RBFOX1: variants seen among roughly 807,000 people sequenced by gnomAD.
RBFOX1 encodes the protein RNA binding fox-1 homolog 1.
In RBFOX1, 8 loss-of-function variants were observed where a neutral mutation model predicts 57.7. The ratio of observed to expected loss-of-function variants is 0.14; its 90% CI spans 0.08 to 0.25. The LOEUF is 0.25. RBFOX1 is among the 10% of genes least tolerant of loss of function. RBFOX1 has a pLI of 1.00. For synonymous variants in RBFOX1, 326 were observed against 222.4 expected, an observed-to-expected ratio of 1.47 and a Z score of -4.15; for missense variants, 611 against 548.5, an observed-to-expected ratio of 1.11 and a Z score of -1.14.
chr16:6,885,560 C>G (rs1250277114), intron 3 of RBFOX1, among the ~76,000 whole-genome samples: 1 of 151,466 alleles, frequency 6.6e-6, no homozygotes, highest in Non-Finnish European at 1.5e-5. Context: ...GAAATGGAGT[C>G]TTGCTCTGTC....
At chr16:7,141,615 A>G (rs900078187) in intron 4 of RBFOX1, among the ~76,000 whole-genome samples, 4 of 152,206 alleles carry the variant, frequency 2.6e-5, no homozygotes, top group African/African-American at 4.8e-5. Context: ...CATGTTCATT[A>G]ACATATTAAT....
intron 4 of RBFOX1, among the ~76,000 whole-genome samples, chr16:7,298,978 A>T (rs2095965790): frequency 6.6e-6 from 1 of 152,182 alleles, no homozygotes; most frequent in Non-Finnish European, 1.5e-5. Flanking sequence ...ATTTGCTTTT[A>T]CAAGCAATGG....
chr16:6,007,786 A>G (rs2094936017), intron 4 of RBFOX1, among the ~76,000 whole-genome samples: 2 of 152,170 alleles, frequency 1.3e-5, no homozygotes, highest in Admixed American at 6.6e-5. Context: ...AGATATGGGT[A>G]TGGGAACTTA....
At chr16:7,655,596 C>G (rs767841464) in intron 12 of RBFOX1, among the ~76,000 whole-genome samples, 1 of 152,208 alleles carries the variant, frequency 6.6e-6, no homozygotes, top group South Asian at 2.1e-4. Flanking sequence ...TTTGTTATTC[C>G]CAAGATCATG....
At chr16:7,124,873 C>G (rs11077139) in intron 4 of RBFOX1, among the ~76,000 whole-genome samples, 113,738 of 151,820 alleles carry the variant, frequency 0.75, 42,757 homozygotes, top group Middle Eastern at 0.82. Flanking sequence ...GTATTCCTGA[C>G]AAATAAATAT....
At chr16:7,514,900 C>G (rs554405290) in intron 4 of RBFOX1, among the ~76,000 whole-genome samples, 1 of 152,280 alleles carries the variant, frequency 6.6e-6, no homozygotes, top group African/African-American at 2.4e-5. Context: ...ATATATGTTC[C>G]TGGTGAAAGT....
chr16:6,010,588 G>C (rs1324694855), intron 4 of RBFOX1, among the ~76,000 whole-genome samples: 4 of 152,180 alleles, frequency 2.6e-5, no homozygotes, highest in African/African-American at 9.7e-5. Context: ...TCTGGAGGAA[G>C]CAAACGGAGT....
At chr16:5,738,809 T>A (rs2052673359) in intron 3 of RBFOX1, among the ~76,000 whole-genome samples, 1 of 152,156 alleles carries the variant, frequency 6.6e-6, no homozygotes, top group South Asian at 2.1e-4. Context: ...CACAGTGGAA[T>A]GCCAAACATT....
intron 2 of RBFOX1, among the ~76,000 whole-genome samples, chr16:6,543,967 G>A (rs556992911): frequency 2.6e-5 from 4 of 152,150 alleles, no homozygotes; most frequent in Non-Finnish European, 5.9e-5. Context: ...TCTAAGAAAG[G>A]TATAAAGAGG....
At chr16:5,983,064 C>G (rs1000262924) in intron 4 of RBFOX1, among the ~76,000 whole-genome samples, 5 of 152,208 alleles carry the variant, frequency 3.3e-5, no homozygotes, top group Non-Finnish European at 7.3e-5. Context: ...ATGTCTGCAG[C>G]TCTGACTCAA....
intron 4 of RBFOX1, among the ~76,000 whole-genome samples, chr16:7,386,201 C>T (rs1342605907): frequency 6.6e-6 from 1 of 152,084 alleles, no homozygotes; most frequent in Non-Finnish European, 1.5e-5. Context: ...TCTGCATCCC[C>T]CAAGTTCTTT....
intron 4 of RBFOX1, among the ~76,000 whole-genome samples, chr16:7,254,161 A>G (rs987027354): frequency 1.3e-5 from 2 of 152,186 alleles, no homozygotes; most frequent in African/African-American, 4.8e-5. Flanking sequence ...TGAGAAGACC[A>G]ATGAGAAAAG....
At chr16:6,513,398 G>A (rs1567511376) in intron 2 of RBFOX1, among the ~76,000 whole-genome samples, 1 of 152,106 alleles carries the variant, frequency 6.6e-6, no homozygotes, top group Non-Finnish European at 1.5e-5. Flanking sequence ...ACTTTTCAGG[G>A]GAAGAGAGAG....
intron 11 of RBFOX1, among the ~76,000 whole-genome samples, chr16:7,646,893 A>C (rs980138451): frequency 6.6e-6 from 1 of 151,976 alleles, no homozygotes; most frequent in Non-Finnish European, 1.5e-5. Flanking sequence ...GAGAAGACAC[A>C]CTCATCACTG....
chr16:5,638,835 A>G (rs1189975135), intron 3 of RBFOX1, among the ~76,000 whole-genome samples: 2 of 152,170 alleles, frequency 1.3e-5, no homozygotes, highest in African/African-American at 2.4e-5. Context: ...AGAGAAAGCC[A>G]TGAGGGAATG....
intron 4 of RBFOX1, among the ~76,000 whole-genome samples, chr16:5,977,395 A>G (rs1175322539): frequency 2.6e-5 from 4 of 152,130 alleles, no homozygotes; most frequent in South Asian, 2.1e-4. Context: ...TGTGGGAGCT[A>G]TGTGTCCCTA....
chr16:6,858,937 T>C (rs1047611651), intron 3 of RBFOX1, among the ~76,000 whole-genome samples: 17 of 151,652 alleles, frequency 1.1e-4, no homozygotes, highest in African/African-American at 3.1e-4. Context: ...AAGGAAGATA[T>C]TATTTTCACT....
intron 1 of RBFOX1, among the ~76,000 whole-genome samples, chr16:6,257,903 A>G (rs960533114): frequency 7.2e-5 from 11 of 152,124 alleles, no homozygotes; most frequent in African/African-American, 2.7e-4. Flanking sequence ...ATGTGTCTTT[A>G]TACTAGAATG....
At chr16:7,173,483 C>G (rs1336813395) in intron 4 of RBFOX1, among the ~76,000 whole-genome samples, 2 of 150,760 alleles carry the variant, frequency 1.3e-5, no homozygotes, top group African/African-American at 2.4e-5. Context: ...ACACGAGTTC[C>G]ATTTGACACT....
Sources: gnomAD v4.1 joint callset for allele counts (sites outside exome capture counted in the v4.1 genomes callset) on GRCh38, gnomAD v4.1.1 for gene constraint, MANE v1.5 for transcripts, NCBI Gene and HGNC (gene_info 2026-07-23, HGNC 2026-07-21) for gene names.